HMCN2: variants seen among roughly 807,000 people sequenced by gnomAD.
HMCN2 encodes hemicentin 2, also known as hemicentin-2.
In HMCN2, 325 loss-of-function variants were observed where a neutral mutation model predicts 377.5. The ratio of observed to expected loss-of-function variants is 0.86; its 90% CI spans 0.79 to 0.94. The LOEUF is 0.94. Ranked by LOEUF, HMCN2 falls within the 40% of genes least tolerant of loss-of-function variation. HMCN2 has a pLI of 0.00. For missense variants in HMCN2, 4,543 were observed against 4,725.3 expected, an observed-to-expected ratio of 0.96 and a Z score of 1.13; for synonymous variants, 2,007 against 2,046.8, an observed-to-expected ratio of 0.98 and a Z score of 0.53.
chr9:130,409,373 C>T (rs375397706), intron 84 of HMCN2, among the ~76,000 whole-genome samples: 1 of 152,224 alleles, frequency 6.6e-6, no homozygotes, highest in African/African-American at 2.4e-5. Flanking sequence ...CCCCAGGTCT[C>T]CTGCCTCAGG....
chr9:130,428,519 A>G lies in HMCN2; in HGVS notation c.14197+30A>G, dbSNP rs1246132044. 5 of 1,535,464 alleles carry G rather than the reference A, an allele frequency of 3.3e-6. No homozygotes were observed. Among genetic ancestry groups the G allele is most frequent in the East Asian group, 2.4e-5 (1 of 40,878 alleles). On this transcript the variant is annotated intron_variant, in intron 93 of 97. Coordinates refer to ENST00000683500, the MANE Select transcript of HMCN2 (RefSeq NM_001291815.2). The surrounding 1 kb of genome is among the most constrained non-coding windows in gnomAD (Gnocchi z 5.0). ...TGGGGGCACAGCATGCGGCCTGTCC[A>G]TACTCCTGGAAACCCAGAGGTTGCC...
Position 130,344,444 on chromosome 9 carries a change from A to G in HMCN2, c.3829+2008A>G, listed in dbSNP as rs1045937714. Among the ~76,000 whole-genome samples, 10 of 147,918 alleles carry G rather than the reference A, an allele frequency of 6.8e-5. No individual in the cohort carries two copies. In the South Asian group the frequency reaches 1.1e-3, roughly 16 times the overall value. ...TGTGTTCTGTGTGTGTGTGGTCTAT[A>G]TATATGGTGTTTGGTGTATGTTGTG... is the stretch of plus-strand genomic sequence containing the variant. On this transcript the variant is annotated intron_variant, in intron 25 of 97. Transcript: ENST00000683500.
intron 1 of HMCN2, among the ~76,000 whole-genome samples, chr9:130,282,467 C>T (rs552344761): frequency 6.6e-6 from 1 of 152,312 alleles, no homozygotes; most frequent in East Asian, 1.9e-4. Flanking sequence ...AGCTCCAAGG[C>T]TGAGGACTGA....
At position 130,388,526 on chromosome 9, in the gene HMCN2, A is replaced by G. The variant is rs750133972; in HGVS notation, c.9509A>G (p.Asp3170Gly). 7.5e-5 allele frequency: 74 copies of G among 988,108 alleles called. No individual in the cohort carries two copies. The highest frequency in any genetic ancestry group is 8.1e-5 in the Non-Finnish European group (67 of 830,146). 61.2% of individuals were successfully genotyped at this position (988,108 alleles called of 1,614,324 possible). A position where few individuals can be genotyped will look rare whatever the true frequency, so the allele number is the denominator to read the frequency against. Residue 3170 changes from aspartate (D) to glycine (G), a missense_variant, in exon 62 of 98, where the codon GAC becomes GGC. Physicochemically the swap from Asp to Gly is moderately conservative, Grantham distance 94. This residue lies in a region of HMCN2 where 736 missense variants were observed against 773.2 expected (regional missense o/e 0.95). Coordinates refer to ENST00000683500, the MANE Select transcript of HMCN2 (RefSeq NM_001291815.2). ...GCACCCACGGTCACTTGGCTGAAGGACAGGATGCCTGTGGGTGAGCACATC... is the reference window on the plus strand; with the variant it reads ...GCACCCACGGTCACTTGGCTGAAGGGCAGGATGCCTGTGGGTGAGCACATC... ...VPAPTVTWLK[D>G]RMPVESSAVH...
At chr9:130,310,626 C>G (rs1413148550) in intron 15 of HMCN2, among the ~76,000 whole-genome samples, 1 of 151,448 alleles carries the variant, frequency 6.6e-6, no homozygotes, top group East Asian at 2.0e-4. Context: ...CGGGGGCTAC[C>G]CATGGGTGTG....
At chr9:130,369,000 G>A (rs1284237385) in intron 44 of HMCN2, among the ~76,000 whole-genome samples, 2 of 152,146 alleles carry the variant, frequency 1.3e-5, no homozygotes, top group Non-Finnish European at 2.9e-5. Flanking sequence ...CCAAGCATTG[G>A]GGGTGGGGGC....
chr9:130,275,750 G>A (rs982290105), intron 1 of HMCN2, among the ~76,000 whole-genome samples: 2 of 152,230 alleles, frequency 1.3e-5, no homozygotes, highest in South Asian at 2.1e-4. Flanking sequence ...ACGCCCGGCC[G>A]TGACATTGCT....
At chr9:130,271,824 T>C (rs1834426159) in intron 1 of HMCN2, among the ~76,000 whole-genome samples, 1 of 149,368 alleles carries the variant, frequency 6.7e-6, no homozygotes, top group African/African-American at 2.4e-5. Flanking sequence ...ATGTTGTATA[T>C]ATAACCTGTG....
Position 130,362,071 on chromosome 9 carries a change from G to C in HMCN2, c.6014G>C (p.Arg2005Pro). The change falls in exon 39 of 98, where the codon CGG (arginine) becomes CCG (proline). Residue 2005 changes from arginine to proline, a missense_variant. This residue lies in a region of HMCN2 where 1,032 missense variants were observed against 1,285.1 expected (regional missense o/e 0.80). Coordinates refer to ENST00000683500, the MANE Select transcript of HMCN2 (RefSeq NM_001291815.2). Reference protein sequence around the residue: ...PGPVLVNTPVRLTCNATGAPS... With the variant: ...PGPVLVNTPVPLTCNATGAPS... ...CCTGTGTTGGTCAACACCCCTGTCC[G>C]GCTGACCTGCAATGCCACCGGTGCC... 1 of 986,040 alleles carries C rather than the reference G, an allele frequency of 1.0e-6. No homozygotes were observed. The highest frequency in any genetic ancestry group is 1.2e-6 in the Non-Finnish European group (1 of 830,084). 61.1% of individuals were successfully genotyped at this position (986,040 alleles called of 1,614,324 possible). A position where few individuals can be genotyped will look rare whatever the true frequency, so the allele number is the denominator to read the frequency against.
At chr9:130,330,912 G>A (rs1302594113) in intron 22 of HMCN2, among the ~76,000 whole-genome samples, 4 of 151,156 alleles carry the variant, frequency 2.6e-5, no homozygotes, top group Admixed American at 2.0e-4. Context: ...GGCGGATCAC[G>A]AGGTCAGGAG....
chr9:130,391,963 C>T lies in HMCN2; in HGVS notation c.9981C>T (p.Asp3327=), dbSNP rs530352743. 2.2e-5 allele frequency: 22 copies of T among 988,282 alleles called. No homozygotes were observed. In the East Asian group the frequency reaches 3.4e-4, roughly 15 times the overall value. The allele number at this position is 988,282 out of a possible 1,614,324, so 61.2% of individuals were successfully genotyped here. A position where few individuals can be genotyped will look rare whatever the true frequency, so the allele number is the denominator to read the frequency against. ...LVPPTIKQGA[D]GSGTLVSRPG... ...CTCCCACCATCAAGCAGGGAGCAGA[C>T]GGCTCGGGGACCCTGGTGAGCAGGC... The change falls in exon 66 of 98, where the codon GAC becomes GAT. Residue 3327 remains aspartate (D), a synonymous_variant. Coordinates refer to ENST00000683500, the MANE Select transcript of HMCN2 (RefSeq NM_001291815.2).
chr9:130,319,108 G>A (rs1837714392), intron 15 of HMCN2, among the ~76,000 whole-genome samples: 1 of 152,284 alleles, frequency 6.6e-6, no homozygotes, highest in East Asian at 1.9e-4. Flanking sequence ...GGTAGGCAGG[G>A]GTAGAAATGA....
At position 130,351,496 on chromosome 9, in the gene HMCN2, G is replaced by A. The variant is rs775433683; in HGVS notation, c.4504G>A (p.Val1502Met). 7.4e-5 allele frequency: 97 copies of A among 1,304,172 alleles called. No individual in the cohort carries two copies. Among genetic ancestry groups the A allele is most frequent in the Non-Finnish European group, 8.9e-5 (88 of 988,960 alleles). The allele number at this position is 1,304,172 out of a possible 1,614,324, so 80.8% of individuals were successfully genotyped here. ...GQVLRITGSH[V>M]GDEGRYQCVA... ...GGTTCTCAGGATCACCGGCAGTCAC[G>A]TGGGGGATGAGGGACGATACCAGTG... Residue 1502 changes from valine to methionine, a missense_variant, in exon 30 of 98, where the codon GTG (valine) becomes ATG (methionine). Coordinates refer to ENST00000683500, the MANE Select transcript of HMCN2 (RefSeq NM_001291815.2). The surrounding 1 kb of genome is among the most constrained non-coding windows in gnomAD (Gnocchi z 5.4).
chr9:130,363,450 T>C (rs993953138), intron 40 of HMCN2, among the ~76,000 whole-genome samples: 2 of 152,168 alleles, frequency 1.3e-5, no homozygotes, highest in African/African-American at 2.4e-5. Context: ...TCTGAGCTCA[T>C]GAAGCTACTG....
Position 130,397,638 on chromosome 9 carries a change from G to T in HMCN2, c.11309G>T (p.Arg3770Leu). 1.6e-6 allele frequency: 2 copies of T among 1,289,810 alleles called. No individual in the cohort carries two copies. Among genetic ancestry groups the T allele is most frequent in the Non-Finnish European group, 2.0e-6 (2 of 988,882 alleles). 79.9% of individuals were successfully genotyped at this position (1,289,810 alleles called of 1,614,324 possible). A position where few individuals can be genotyped will look rare whatever the true frequency, so the allele number is the denominator to read the frequency against. The stretch of plus-strand genomic sequence containing the variant: ...TCTGCTGGCTCCGATCGTCAAGGCC[G>T]TGACCTACGGGTCTTGGGTAGGTGG... ...SNSAGSDRQG[R>L]DLRVLEPPAI... The change falls in exon 74 of 98, where the codon CGT (arginine) becomes CTT (leucine). Residue 3770 changes from arginine to leucine, a missense_variant. Around this residue, in one of 5 missense-constraint regions of HMCN2, gnomAD observed 1,073 missense variants for 1,319.5 expected, o/e 0.81. Transcript: ENST00000683500.
intron 22 of HMCN2, among the ~76,000 whole-genome samples, chr9:130,329,869 C>A (rs1838333362): frequency 6.6e-6 from 1 of 152,086 alleles, no homozygotes; most frequent in East Asian, 1.9e-4. Flanking sequence ...ACACACCACA[C>A]CCCCTCCGTC....
Position 130,394,480 on chromosome 9 carries a change from C to T in HMCN2, c.10597C>T (p.Gln3533Ter). The T allele has an allele frequency of 7.8e-7, 1 of 1,289,832 alleles. No individual in the cohort carries two copies. Among genetic ancestry groups the T allele is most frequent in the South Asian group, 1.2e-5 (1 of 81,022 alleles). The allele number at this position is 1,289,832 out of a possible 1,614,324, so 79.9% of individuals were successfully genotyped here. The change falls in exon 69 of 98, where the codon CAG becomes TAG. Residue 3533 changes from glutamine (Q) to a stop codon, truncating the protein, a stop_gained. Transcript: ENST00000683500. LOFTEE classifies it high-confidence loss of function. The surrounding 1 kb of genome is among the most constrained non-coding windows in gnomAD (Gnocchi z 5.1). ...CCTCTGTGATGCCCAGGGCACCCCC[C>T]AGCCCAACATCACCTGGCATAAGGA... is the stretch of plus-strand genomic sequence containing the variant. ...ELLCDAQGTPQPNITWHKDGQ... is the reference protein window; with the variant it reads ...ELLCDAQGTP
At chr9:130,324,559 C>T (rs1838027052) in intron 19 of HMCN2, among the ~76,000 whole-genome samples, 3 of 152,132 alleles carry the variant, frequency 2.0e-5, no homozygotes, top group African/African-American at 7.2e-5. Flanking sequence ...GGGGTTCCCT[C>T]TTGGTGGTGT....
chr9:130,346,643 C>T (rs994612497), intron 25 of HMCN2, among the ~76,000 whole-genome samples: 1 of 152,022 alleles, frequency 6.6e-6, no homozygotes, highest in Non-Finnish European at 1.5e-5. Context: ...AGGCTTGGCT[C>T]GTTCATTGAT....
Sources: gnomAD v4.1 joint callset for allele counts (sites outside exome capture counted in the v4.1 genomes callset) on GRCh38, gnomAD v4.1.1 for gene constraint, gnomAD v4.1.1 regional missense constraint, Gnocchi (gnomAD v3.1) non-coding constraint, MANE v1.5 for transcripts, NCBI Gene and HGNC (gene_info 2026-07-23, HGNC 2026-07-21) for gene names.